TLE1: variants seen among roughly 807,000 people sequenced by gnomAD.
TLE1 encodes TLE family member 1, transcriptional corepressor, also known as transducin-like enhancer protein 1.
In TLE1, 21 loss-of-function variants were observed where a neutral mutation model predicts 89.8. The observed-to-expected ratio is 0.23, with a 90% confidence interval of 0.17 to 0.34. TLE1 has a LOEUF of 0.34. TLE1 is among the 10% of genes least tolerant of loss of function. The pLI is 1.00. For synonymous variants in TLE1, 447 were observed against 407.6 expected (o/e 1.10, Z -1.16); for missense variants, 795 against 1,031.2 (o/e 0.77, Z 3.14).
chr9:81,664,600 G>A lies in TLE1; in HGVS notation c.235-10564C>T, dbSNP rs373599456. Among the ~76,000 whole-genome samples, 11 of 152,116 alleles carry A rather than the reference G, an allele frequency of 7.2e-5. No homozygotes were observed. The East Asian group carries it at 7.8e-4, about 11-fold the overall frequency. The stretch of plus-strand genomic sequence containing the variant: ...GGGGAGGTCGGGCACAGTGGCTCAC[G>A]CCTACAATCCCAGCACTTTTGCGGG... On this transcript the variant is annotated intron_variant, in intron 4 of 19. Coordinates refer to ENST00000376499, the MANE Select transcript of TLE1 (RefSeq NM_005077.5).
intron 6 of TLE1, among the ~76,000 whole-genome samples, chr9:81,641,901 A>G (rs1015758257): frequency 7.2e-5 from 11 of 152,180 alleles, no homozygotes; most frequent in Non-Finnish European, 1.5e-4. Context: ...GCATGCCTGC[A>G]ATCCCAGCTA....
At chr9:81,622,002 A>C (rs4877665) in intron 8 of TLE1, among the ~76,000 whole-genome samples, 72,777 of 151,996 alleles carry the variant, frequency 0.48, 18,529 homozygotes, top group East Asian at 0.92. Context: ...GTGTTTGGGG[A>C]TGAAAGGTGA....
Position 81,633,293 on chromosome 9 carries a change from GTGTGTGT to G in TLE1, c.594+48_594+54del, listed in dbSNP as rs974211061. The stretch of plus-strand genomic sequence containing the variant: ...AAGTGTTGTCAGAAGGGGACCGTGT[GTGTGTGT>G]GTGTGTGTGTGTGTGTGTGTGTGTG... On this transcript the variant is annotated intron_variant, in intron 8 of 19. Transcript: ENST00000376499. 1,893 of 252,798 alleles carry G rather than the reference GTGTGTGT, an allele frequency of 7.5e-3. 11 individuals are homozygous for G. The South Asian group carries it at 0.17, about 22-fold the overall frequency. The allele number at this position is 252,798 out of a possible 1,614,324, so 15.7% of individuals were successfully genotyped here. A position where few individuals can be genotyped will look rare whatever the true frequency, so the allele number is the denominator to read the frequency against.
intron 6 of TLE1, among the ~76,000 whole-genome samples, chr9:81,649,296 CTG>C (rs372055037): frequency 1.3e-5 from 2 of 152,256 alleles, no homozygotes; most frequent in East Asian, 3.9e-4. Context: ...GAAATGGGGA[CTG>C]TTAATTCACT....
chr9:81,590,941 G>C lies in TLE1; in HGVS notation c.1693C>G (p.Arg565Gly). ...SIWDLAAPTP[R>G]IKAELTSSAP... ...GAGGACGTCAGCTCCGCCTTGATGCGCGGGGTTGGAGCCGCCAGGTCCCAA... is the reference window on the plus strand; with the variant it reads ...GAGGACGTCAGCTCCGCCTTGATGCCCGGGGTTGGAGCCGCCAGGTCCCAA... Residue 565 changes from arginine (R) to glycine (G), a missense_variant, in exon 16 of 20, where the codon CGC becomes GGC. Physicochemically the swap from Arg to Gly is moderately radical, Grantham distance 125 (BLOSUM62 -2). Transcript: ENST00000376499. The C allele has an allele frequency of 3.1e-6, 5 of 1,614,236 alleles. No homozygotes were observed. The highest frequency in any genetic ancestry group is 4.2e-6 in the Non-Finnish European group (5 of 1,180,040).
chr9:81,655,267 G>C, intron 4 of TLE1, among the ~76,000 whole-genome samples: 1 of 152,056 alleles, frequency 6.6e-6, no homozygotes. Context: ...GGGAGGCTGC[G>C]GCAGAGAACT....
intron 14 of TLE1, among the ~76,000 whole-genome samples, chr9:81,596,372 A>G (rs1246348924): frequency 6.6e-6 from 1 of 152,096 alleles, no homozygotes; most frequent in Non-Finnish European, 1.5e-5. Context: ...TGTGCTGGAG[A>G]GCCAAATCAA....
chr9:81,649,962 C>G (rs1044989840), intron 6 of TLE1, among the ~76,000 whole-genome samples: 6 of 152,150 alleles, frequency 3.9e-5, no homozygotes, highest in African/African-American at 1.4e-4. Context: ...AGCCTTCGGA[C>G]ATAAATTCAT....
intron 4 of TLE1, among the ~76,000 whole-genome samples, chr9:81,680,032 G>T (rs777917412): frequency 2.6e-5 from 4 of 152,128 alleles, no homozygotes; most frequent in African/African-American, 9.7e-5. Context: ...CACTATTTGG[G>T]AGAACATCTT....
At chr9:81,599,995 T>C in intron 14 of TLE1, 1 of 641,164 alleles carries the variant, frequency 1.6e-6, no homozygotes, top group East Asian at 2.7e-5. Context: ...TGACCTAAGT[T>C]GATAAATGAG....
Position 81,616,068 on chromosome 9 carries a change from G to A in TLE1, c.832C>T (p.Leu278=), listed in dbSNP as rs756171460. ...PRENGIDKNR[L]LKKDASSSPA... The stretch of plus-strand genomic sequence containing the variant: ...CTGCTAGAAGCATCCTTCTTTAGCA[G>A]GCGATTTTTGTCGATTCCATTTTCC... The change falls in exon 11 of 20, where the codon CTG becomes TTG. Residue 278 remains leucine (L), a synonymous_variant. Coordinates refer to ENST00000376499, the MANE Select transcript of TLE1 (RefSeq NM_005077.5). 15 of 1,614,030 alleles carry A rather than the reference G, an allele frequency of 9.3e-6. No homozygotes were observed. The highest frequency in any genetic ancestry group is 1.3e-5 in the African/African-American group (1 of 74,918).
chr9:81,685,632 T>A lies in TLE1; in HGVS notation c.234+44A>T, dbSNP rs757455787. 5 of 1,598,516 alleles carry A rather than the reference T, an allele frequency of 3.1e-6. No individual in the cohort carries two copies. The African/African-American group carries it at 6.7e-5, about 21-fold the overall frequency. Reference sequence around the variant, plus strand: ...ACAAAGCCAGTATTATTAAATCATATGAACTGATGTCTCATTTCAGCTTGA... The same window carrying A: ...ACAAAGCCAGTATTATTAAATCATAAGAACTGATGTCTCATTTCAGCTTGA... On this transcript the variant is annotated intron_variant, in intron 4 of 19. Coordinates refer to ENST00000376499, the MANE Select transcript of TLE1 (RefSeq NM_005077.5).
intron 9 of TLE1, 21 bp from the exon 10 acceptor site, chr9:81,616,720 C>A (rs370372756): frequency 4.5e-5 from 73 of 1,613,756 alleles, no homozygotes; most frequent in Non-Finnish European, 6.2e-5. Context: ...GAAACATTAA[C>A]GCCATTTACT....
At chr9:81,660,978 C>CACACACACACACACACACACACACACACA (rs140689682) in intron 4 of TLE1, among the ~76,000 whole-genome samples, 2 of 121,758 alleles carry the variant, frequency 1.6e-5, no homozygotes, top group Non-Finnish European at 1.8e-5. Context: ...CACACACACA[C>CACACACACACACACACACACACACACACA]ATTTAGCCTG....
At chr9:81,617,031 C>A in intron 9 of TLE1, among the ~76,000 whole-genome samples, 1 of 149,994 alleles carries the variant, frequency 6.7e-6, no homozygotes, top group Non-Finnish European at 1.5e-5. Context: ...CTGAATTTCT[C>A]GAGGGATGAA....
chr9:81,670,745 GCTT>G (rs1832115093), intron 4 of TLE1, among the ~76,000 whole-genome samples: 1 of 149,500 alleles, frequency 6.7e-6, no homozygotes, highest in Middle Eastern at 3.3e-3. Flanking sequence ...AAAAATCACA[GCTT>G]TTTTTGGGTA....
chr9:81,685,767 TAC>T, intron 3 of TLE1, 47 bp from the exon 4 acceptor site: 1 of 1,612,390 alleles, frequency 6.2e-7, no homozygotes, highest in Non-Finnish European at 8.5e-7. Flanking sequence ...TCATGTTTTT[TAC>T]ACTCTGCTAA....
intron 4 of TLE1, among the ~76,000 whole-genome samples, chr9:81,669,635 G>A (rs748911791): frequency 4.0e-5 from 6 of 151,620 alleles, no homozygotes; most frequent in Non-Finnish European, 4.4e-5. Flanking sequence ...CAAAAGACAT[G>A]CACACAAAGA....
chr9:81,631,710 G>A (rs536869638), intron 8 of TLE1, among the ~76,000 whole-genome samples: 24 of 152,302 alleles, frequency 1.6e-4, no homozygotes, highest in African/African-American at 1.9e-4. Flanking sequence ...GATTTAAAAC[G>A]CATAACAGCC....
Sources: allele counts gnomAD v4.1 joint callset (sites outside exome capture counted in the v4.1 genomes callset), GRCh38; gene constraint gnomAD v4.1.1; transcripts MANE v1.5; gene names NCBI Gene and HGNC (gene_info 2026-07-23, HGNC 2026-07-21).